The following ASAP1 variants were observed in gnomAD, a reference collection of about 807,000 sequenced individuals.
ASAP1 encodes ArfGAP with SH3 domain, ankyrin repeat and PH domain 1, also known as arf-GAP with SH3 domain, ANK repeat and PH domain-containing protein 1.
A neutral mutation model predicts 145.2 loss-of-function variants in ASAP1; 43 were observed. That is an observed-to-expected ratio of 0.30 (90% confidence interval 0.23 to 0.38). The LOEUF is 0.38. Ranked by LOEUF, ASAP1 falls within the 10% of genes least tolerant of loss-of-function variation. The pLI is 1.00. For synonymous variants in ASAP1, 546 were observed against 515.5 expected (o/e 1.06, Z -0.80); for missense variants, 1,018 against 1,355.3 (o/e 0.75, Z 3.91).
intron 3 of ASAP1, among the ~76,000 whole-genome samples, chr8:130,282,091 G>C (rs1389944657): frequency 2.7e-5 from 4 of 149,800 alleles, no homozygotes; most frequent in Non-Finnish European, 4.4e-5. Context: ...AAAAGGAATG[G>C]CATGGCAAAA....
intron 3 of ASAP1, among the ~76,000 whole-genome samples, chr8:130,256,752 T>TATATCC (rs1554860175): frequency 4.8e-5 from 2 of 41,890 alleles, no homozygotes; most frequent in Admixed American, 2.6e-4. Context: ...TATATATATA[T>TATATCC]ATATATATAT....
chr8:130,227,287 C>G (rs1250002099), intron 4 of ASAP1, among the ~76,000 whole-genome samples: 1 of 152,070 alleles, frequency 6.6e-6, no homozygotes, highest in Non-Finnish European at 1.5e-5. Flanking sequence ...GGATCTCACT[C>G]TGTTGCGCAG....
chr8:130,263,962 A>G (rs1428731872), intron 3 of ASAP1, among the ~76,000 whole-genome samples: 2 of 152,240 alleles, frequency 1.3e-5, no homozygotes, highest in African/African-American at 4.8e-5. Context: ...TTCTTGCCAC[A>G]GACCTCTGTG....
intron 16 of ASAP1, among the ~76,000 whole-genome samples, chr8:130,126,617 T>C (rs1592860624): frequency 6.6e-6 from 1 of 152,214 alleles, no homozygotes; most frequent in East Asian, 1.9e-4. Context: ...CCTAGAACAA[T>C]GGGAACTATT....
chr8:130,169,139 TA>T (rs900794340), intron 9 of ASAP1, 72 bp from the exon 10 acceptor site: 53 of 935,880 alleles, frequency 5.7e-5, no homozygotes, highest in Admixed American at 7.6e-5. Flanking sequence ...TATGTGGAAA[TA>T]AAAAAAGGAA....
At chr8:130,274,197 C>T (rs969808940) in intron 3 of ASAP1, among the ~76,000 whole-genome samples, 1 of 152,178 alleles carries the variant, frequency 6.6e-6, no homozygotes, top group Non-Finnish European at 1.5e-5. Context: ...AGTACCAACT[C>T]AAAATGACAG....
intron 3 of ASAP1, among the ~76,000 whole-genome samples, chr8:130,337,386 G>C (rs1335872708): frequency 6.6e-6 from 1 of 152,100 alleles, no homozygotes; most frequent in African/African-American, 2.4e-5. Flanking sequence ...ATTCCTCATT[G>C]ATAATCAAGG....
At chr8:130,191,855 C>T (rs558424375) in intron 5 of ASAP1, among the ~76,000 whole-genome samples, 6 of 152,144 alleles carry the variant, frequency 3.9e-5, no homozygotes, top group African/African-American at 1.2e-4. Context: ...CAGAGAGGGG[C>T]GGGGAACAGG....
chr8:130,257,457 T>C (rs192742231), intron 3 of ASAP1, among the ~76,000 whole-genome samples: 1 of 152,180 alleles, frequency 6.6e-6, no homozygotes, highest in African/African-American at 2.4e-5. Flanking sequence ...GGCACAGTAC[T>C]TCATAAAGAA....
chr8:130,385,478 T>C (rs140222553), intron 2 of ASAP1, among the ~76,000 whole-genome samples: 2 of 152,300 alleles, frequency 1.3e-5, no homozygotes, highest in African/African-American at 4.8e-5. Flanking sequence ...GTGCTAGAGA[T>C]TCCTTTCCCA....
At chr8:130,252,427 T>A (rs1191391042) in intron 3 of ASAP1, among the ~76,000 whole-genome samples, 1 of 152,196 alleles carries the variant, frequency 6.6e-6, no homozygotes, top group African/African-American at 2.4e-5. Flanking sequence ...ATATTTTTAA[T>A]CCTCTTAACA....
intron 3 of ASAP1, among the ~76,000 whole-genome samples, chr8:130,255,174 C>G (rs1819433050): frequency 6.6e-6 from 1 of 152,108 alleles, no homozygotes; most frequent in South Asian, 2.1e-4. Flanking sequence ...TATTTCACCC[C>G]TAAGTCTGTT....
chr8:130,089,907 C>T (rs184382735), intron 25 of ASAP1, among the ~76,000 whole-genome samples: 2 of 152,042 alleles, frequency 1.3e-5, no homozygotes, highest in Admixed American at 6.5e-5. Flanking sequence ...TGCCATGTGG[C>T]GAACTGTCAC....
At chr8:130,221,213 G>A (rs1817275875) in intron 4 of ASAP1, among the ~76,000 whole-genome samples, 1 of 151,980 alleles carries the variant, frequency 6.6e-6, no homozygotes, top group Non-Finnish European at 1.5e-5. Context: ...CAGCCTGGGT[G>A]ACAGAGTGAG....
intron 7 of ASAP1, among the ~76,000 whole-genome samples, chr8:130,185,755 G>C (rs796171203): frequency 3.6e-5 from 5 of 137,746 alleles, no homozygotes; most frequent in African/African-American, 1.4e-4. Flanking sequence ...AAAAGAAAAA[G>C]AAAAAGAAAA....
intron 25 of ASAP1, among the ~76,000 whole-genome samples, chr8:130,089,280 A>T (rs1290018583): frequency 1.3e-5 from 2 of 152,162 alleles, no homozygotes; most frequent in Non-Finnish European, 2.9e-5. Flanking sequence ...GATCTGAGAG[A>T]AAAAAATAGA....
chr8:130,416,910 A>G (rs957649457), intron 1 of ASAP1, among the ~76,000 whole-genome samples: 1 of 152,250 alleles, frequency 6.6e-6, no homozygotes, highest in African/African-American at 2.4e-5. Context: ...TTATAAACAC[A>G]TCAAATCTTG....
intron 5 of ASAP1, among the ~76,000 whole-genome samples, chr8:130,204,653 A>G (rs530133621): frequency 1.3e-5 from 2 of 152,336 alleles, no homozygotes; most frequent in Non-Finnish European, 2.9e-5. Context: ...AAAGCTGTGA[A>G]AAGTATGCAT....
At chr8:130,364,032 T>C (rs1301036555) in intron 2 of ASAP1, among the ~76,000 whole-genome samples, 1 of 152,126 alleles carries the variant, frequency 6.6e-6, no homozygotes, top group Non-Finnish European at 1.5e-5. Context: ...TGCTTCCCAA[T>C]TGCACTCGTG....
Sources: allele counts gnomAD v4.1 joint callset (sites outside exome capture counted in the v4.1 genomes callset), GRCh38; gene constraint gnomAD v4.1.1; transcripts MANE v1.5; gene names NCBI Gene and HGNC (gene_info 2026-07-23, HGNC 2026-07-21).